Variants in SLC8A3 observed in about 807,000 individuals in gnomAD.
SLC8A3 encodes the protein solute carrier family 8 member A3, also known as sodium/calcium exchanger 3.
In SLC8A3, 37 loss-of-function variants were observed where a neutral mutation model predicts 65.4. That is an observed-to-expected ratio of 0.57 (90% CI 0.44 to 0.74). The LOEUF is 0.74. SLC8A3 is among the 30% of genes least tolerant of loss of function. The probability of loss-of-function intolerance (pLI) is 0.00; values close to 1 mark genes in which losing one functional copy is unlikely to be tolerated. For missense variants in SLC8A3, 1,112 were observed against 1,172.1 expected, an observed-to-expected ratio of 0.95 and a Z score of 0.75; for synonymous variants, 461 against 444.5, an observed-to-expected ratio of 1.04 and a Z score of -0.47.
chr14:70,090,942 G>T (rs1321674466), intron 2 of SLC8A3, among the ~76,000 whole-genome samples: 1 of 152,148 alleles, frequency 6.6e-6, no homozygotes, highest in Admixed American at 6.5e-5. Flanking sequence ...ATTTCAGGGG[G>T]TTCAAAGATC....
At chr14:70,136,494 C>T (rs1895210674) in intron 2 of SLC8A3, among the ~76,000 whole-genome samples, 2 of 152,286 alleles carry the variant, frequency 1.3e-5, no homozygotes, top group South Asian at 4.1e-4. Flanking sequence ...GCTGCACCCG[C>T]TTTTTGGCAT....
At chr14:70,069,796 A>T (rs1254682109) in intron 2 of SLC8A3, among the ~76,000 whole-genome samples, 1 of 152,312 alleles carries the variant, frequency 6.6e-6, no homozygotes, top group South Asian at 2.1e-4. Context: ...TAAGTGTGTC[A>T]TCTCGTCCCT....
At chr14:70,089,454 A>C (rs1891668873) in intron 2 of SLC8A3, among the ~76,000 whole-genome samples, 1 of 152,266 alleles carries the variant, frequency 6.6e-6, no homozygotes, top group Non-Finnish European at 1.5e-5. Flanking sequence ...AAGGGGAAGT[A>C]AGACAAAGTA....
chr14:70,099,030 G>A (rs1892384283), intron 2 of SLC8A3, among the ~76,000 whole-genome samples: 1 of 152,192 alleles, frequency 6.6e-6, no homozygotes, highest in Admixed American at 6.5e-5. Flanking sequence ...CAAATGCCAG[G>A]TGGTTCAATG....
rs780861826 is a variant in SLC8A3 at position 70,052,100 on chromosome 14, T to C, written c.1903A>G (p.Lys635Glu). 2.1e-5 allele frequency: 34 copies of C among 1,600,210 alleles called. No individual in the cohort carries two copies. In the South Asian group the frequency reaches 2.8e-4, roughly 13 times the overall value. ...ERGISDVTDR[K>E]LTMEEEEAKR... The stretch of plus-strand genomic sequence containing the variant: ...GCCTCCTCTTCTTCCATAGTCAGCT[T>C]CCTGTCTGTCACATCTGCAACAAAA... Residue 635 changes from lysine to glutamate, a missense_variant, in exon 4 of 7, where the codon AAG becomes GAG. Transcript: ENST00000356921.
At chr14:70,154,421 C>T (rs866467307) in intron 2 of SLC8A3, among the ~76,000 whole-genome samples, 6 of 152,182 alleles carry the variant, frequency 3.9e-5, no homozygotes, top group Admixed American at 6.5e-5. Context: ...AAAGAAATCA[C>T]TCTTAGAGGT....
chr14:70,108,412 A>AG (rs1371142378), intron 2 of SLC8A3, among the ~76,000 whole-genome samples: 2 of 151,836 alleles, frequency 1.3e-5, no homozygotes, highest in Non-Finnish European at 2.9e-5. Context: ...AAAAAAAAAA[A>AG]AAGAAAAATG....
chr14:70,186,495 A>G (rs1387478428), intron 1 of SLC8A3, among the ~76,000 whole-genome samples: 1 of 152,198 alleles, frequency 6.6e-6, no homozygotes, highest in Non-Finnish European at 1.5e-5. Context: ...AAGAAGAATA[A>G]AGCATTCCAA....
In SLC8A3 at chr14:70,147,281, T is replaced by C. The variant is rs146063625; in HGVS notation, c.1784+19358A>G. On this transcript the variant is annotated intron_variant, in intron 2 of 6. Coordinates refer to ENST00000356921, the MANE Select transcript of SLC8A3 (RefSeq NM_182932.3). Reference sequence around the variant, plus strand: ...CCTATTCTATCTCATTTAGTCTTTGTCATAGCCTTATATGGCTGATCTTAT... The same window carrying C: ...CCTATTCTATCTCATTTAGTCTTTGCCATAGCCTTATATGGCTGATCTTAT... Among the ~76,000 whole-genome samples the C allele has an allele frequency of 2.6e-3, 396 of 152,350 alleles. 4 individuals carry two copies. Among genetic ancestry groups the C allele is most frequent in the African/African-American group, 9.2e-3 (383 of 41,586 alleles).
chr14:70,103,373 T>A lies in SLC8A3; in HGVS notation c.1785-42434A>T, dbSNP rs559803707. 1.4e-3 allele frequency among the ~76,000 whole-genome samples: 214 copies of A among 152,180 alleles called. 2 individuals are homozygous for A. The highest frequency in any genetic ancestry group is 4.9e-3 in the African/African-American group (203 of 41,584). On this transcript the variant is annotated intron_variant, in intron 2 of 6. Transcript: ENST00000356921. ...AAAGAAAGCAGAACTGGTAAGTATG[T>A]AGGTAAGAATAAAATGTTATATGTA...
chr14:70,064,481 C>A (rs1400349204), intron 2 of SLC8A3, among the ~76,000 whole-genome samples: 1 of 134,950 alleles, frequency 7.4e-6, no homozygotes, highest in Non-Finnish European at 1.5e-5. Flanking sequence ...AATAGTAGAA[C>A]TTCTCTTTTT....
At chr14:70,152,389 T>A (rs1896324526) in intron 2 of SLC8A3, among the ~76,000 whole-genome samples, 1 of 152,100 alleles carries the variant, frequency 6.6e-6, no homozygotes, top group Non-Finnish European at 1.5e-5. Flanking sequence ...AATGTGAACA[T>A]CTTACCTGAG....
chr14:70,055,940 G>T, intron 3 of SLC8A3: 1 of 777,334 alleles, frequency 1.3e-6, no homozygotes, highest in Non-Finnish European at 2.1e-6. Flanking sequence ...CTTAGTAGGT[G>T]AGAGCTCAGC....
chr14:70,110,267 A>G (rs1294598162), intron 2 of SLC8A3, among the ~76,000 whole-genome samples: 2 of 152,168 alleles, frequency 1.3e-5, no homozygotes, highest in Non-Finnish European at 2.9e-5. Flanking sequence ...CTGATGTGCT[A>G]TCAAATAGTA....
Position 70,188,401 on chromosome 14 carries a change from C to G in SLC8A3, c.-85G>C, listed in dbSNP as rs945107072. ...CACCGTTTCCTCTCGGCCTCCCGAG[C>G]GGAGTGGGCAAGGGAGGGGGGTGAG... On this transcript the variant is annotated 5_prime_UTR_variant, in exon 1 of 7. Transcript: ENST00000356921. 1 of 152,178 alleles carries G rather than the reference C, an allele frequency of 6.6e-6. No individual in the cohort carries two copies. The highest frequency in any genetic ancestry group is 1.5e-5 in the Non-Finnish European group (1 of 68,062). 9.4% of individuals were successfully genotyped at this position (152,178 alleles called of 1,614,324 possible).
chr14:70,062,680 T>A (rs1012953536), intron 2 of SLC8A3, among the ~76,000 whole-genome samples: 8 of 152,252 alleles, frequency 5.3e-5, no homozygotes, highest in Admixed American at 5.2e-4. Flanking sequence ...TACATTTTTA[T>A]TACCTTTTTG....
intron 2 of SLC8A3, among the ~76,000 whole-genome samples, chr14:70,080,883 G>A (rs1474084764): frequency 1.3e-5 from 2 of 152,150 alleles, no homozygotes; most frequent in Non-Finnish European, 2.9e-5. Context: ...AAAGTGGCCT[G>A]GTGAAGTGGG....
chr14:70,087,428 A>G (rs574583320), intron 2 of SLC8A3, among the ~76,000 whole-genome samples: 42 of 152,264 alleles, frequency 2.8e-4, no homozygotes, highest in Admixed American at 7.2e-4. Context: ...TCATATAAAC[A>G]CTGTCTATCA....
chr14:70,079,146 T>C (rs1015221744), intron 2 of SLC8A3, among the ~76,000 whole-genome samples: 1 of 152,046 alleles, frequency 6.6e-6, no homozygotes, highest in African/African-American at 2.4e-5. Flanking sequence ...TAATCACCCC[T>C]ATATTTCCAG....
Sources: gnomAD v4.1 joint callset for allele counts (sites outside exome capture counted in the v4.1 genomes callset) on GRCh38, gnomAD v4.1.1 for gene constraint, MANE v1.5 for transcripts, NCBI Gene and HGNC (gene_info 2026-07-23, HGNC 2026-07-21) for gene names.